EPB41L3: variants seen among roughly 807,000 people sequenced by gnomAD.
EPB41L3 encodes the protein band 4.1-like protein 3.
A neutral mutation model predicts 127.1 loss-of-function variants in EPB41L3; 57 were observed. That is an observed-to-expected ratio of 0.45 (90% confidence interval 0.36 to 0.56). The LOEUF (loss-of-function observed/expected upper bound fraction) is 0.56. Among genes scored for constraint, EPB41L3 ranks in the 20% least tolerant of loss-of-function variants. The probability of loss-of-function intolerance (pLI) is 0.00; values close to 1 mark genes in which losing one functional copy is unlikely to be tolerated. For missense variants in EPB41L3, 1,273 were observed against 1,372.2 expected (o/e 0.93, Z 1.14); for synonymous variants, 572 against 549.5 (o/e 1.04, Z -0.57).
intron 5 of EPB41L3, among the ~76,000 whole-genome samples, chr18:5,439,369 C>T (rs2080334068): frequency 6.6e-6 from 1 of 152,186 alleles, no homozygotes; most frequent in Non-Finnish European, 1.5e-5. Context: ...GAGCCCTTCC[C>T]AAACATTCAG....
intron 3 of EPB41L3, among the ~76,000 whole-genome samples, chr18:5,582,019 T>A (rs909887484): frequency 6.6e-6 from 1 of 152,058 alleles, no homozygotes; most frequent in African/African-American, 2.4e-5. Flanking sequence ...ACAAAAAAGA[T>A]TAAGATGTTG....
intron 3 of EPB41L3, among the ~76,000 whole-genome samples, chr18:5,561,392 A>G (rs1598983041): frequency 6.6e-6 from 1 of 152,192 alleles, no homozygotes; most frequent in Non-Finnish European, 1.5e-5. Context: ...AGGACACAGG[A>G]GACAGCCTGA....
At chr18:5,433,806 G>A (rs1421372381) in intron 7 of EPB41L3, 97 bp downstream of exon 7, 44 of 1,356,610 alleles carry the variant, frequency 3.2e-5, no homozygotes, top group African/African-American at 7.2e-5. Flanking sequence ...ACGTCTCGCC[G>A]TTAATGGACT....
Position 5,396,070 on chromosome 18 carries a change from A to C in EPB41L3, c.2973+131T>G, listed in dbSNP as rs889360838. On this transcript the variant is annotated intron_variant, in intron 19 of 22. Transcript: ENST00000341928. ...AAATGACCATTATTGCATCACTTTT[A>C]ATAGAAATGGTCTGGCTGCTGGATC... The C allele has an allele frequency of 1.4e-5, 16 of 1,136,582 alleles. No individual in the cohort carries two copies. In the African/African-American group the frequency reaches 2.3e-4, roughly 16 times the overall value. The allele number at this position is 1,136,582 out of a possible 1,614,324, so 70.4% of individuals were successfully genotyped here.
intron 3 of EPB41L3, among the ~76,000 whole-genome samples, chr18:5,579,459 T>C (rs921541782): frequency 6.6e-6 from 1 of 152,168 alleles, no homozygotes; most frequent in East Asian, 1.9e-4. Flanking sequence ...TTATTAGTAA[T>C]CTAATTTTGT....
chr18:5,446,063 A>T (rs990288474), intron 3 of EPB41L3, among the ~76,000 whole-genome samples: 4 of 152,154 alleles, frequency 2.6e-5, no homozygotes. Flanking sequence ...TCTTAGGCAG[A>T]CTCTCACTTA....
intron 1 of EPB41L3, chr18:5,521,318 G>A (rs958879589): frequency 6.6e-6 from 1 of 152,212 alleles, no homozygotes; most frequent in Non-Finnish European, 1.5e-5. Context: ...TTGGGTGAAT[G>A]GCGCATGCCT....
chr18:5,536,956 ACTG>A (rs2093593254), intron 1 of EPB41L3, among the ~76,000 whole-genome samples: 1 of 152,250 alleles, frequency 6.6e-6, no homozygotes, highest in Non-Finnish European at 1.5e-5. Context: ...AAATGATGCT[ACTG>A]CTATTTATGA....
In EPB41L3 at chr18:5,489,190, T is replaced by C; in HGVS notation, c.-7A>G. On this transcript the variant is annotated 5_prime_UTR_variant, in exon 2 of 23. Coordinates refer to ENST00000341928, the MANE Select transcript of EPB41L3 (RefSeq NM_012307.5). Reference sequence around the variant, plus strand: ...ATCCAGATTCGGTCGTCATGGTTGATTGTTCTGCAAGCAGAAAAAAGGGAA... The same window carrying C: ...ATCCAGATTCGGTCGTCATGGTTGACTGTTCTGCAAGCAGAAAAAAGGGAA... 1.9e-6 allele frequency: 3 copies of C among 1,590,794 alleles called. No homozygotes were observed. The highest frequency in any genetic ancestry group is 1.4e-5 in the African/African-American group (1 of 72,220).
At chr18:5,461,840 T>C (rs1162265412) in intron 3 of EPB41L3, among the ~76,000 whole-genome samples, 2 of 152,214 alleles carry the variant, frequency 1.3e-5, no homozygotes, top group Non-Finnish European at 2.9e-5. Flanking sequence ...ACTGGAAGTC[T>C]GTGACCCCTT....
At chr18:5,472,256 G>A (rs1308857811) in intron 3 of EPB41L3, among the ~76,000 whole-genome samples, 1 of 152,102 alleles carries the variant, frequency 6.6e-6, no homozygotes, top group Non-Finnish European at 1.5e-5. Context: ...ATGAGACATT[G>A]CATGTTAACA....
At chr18:5,624,128 A>C (rs2094896583) in intron 1 of EPB41L3, among the ~76,000 whole-genome samples, 1 of 152,100 alleles carries the variant, frequency 6.6e-6, no homozygotes, top group South Asian at 2.1e-4. Flanking sequence ...TCAGCCTCTC[A>C]AGAAGCTAGG....
chr18:5,429,789 C>T lies in EPB41L3; in HGVS notation c.913-1324G>A, dbSNP rs867116833. Among the ~76,000 whole-genome samples the T allele has an allele frequency of 2.0e-5, 3 of 152,308 alleles. No homozygotes were observed. In the Middle Eastern group the frequency reaches 0.01, roughly 518 times the overall value. On this transcript the variant is annotated intron_variant, in intron 8 of 22. Coordinates refer to ENST00000341928, the MANE Select transcript of EPB41L3 (RefSeq NM_012307.5). ...TTGAGGAGAACTCAAAGACTGGAAA[C>T]TGCCCACCATTTATCTAGGACTTTA...
Position 5,489,168 on chromosome 18 carries a change from C to G in EPB41L3, c.16G>C (p.Gly6Arg). 3.1e-6 allele frequency: 5 copies of G among 1,595,598 alleles called. No individual in the cohort carries two copies. Among genetic ancestry groups the G allele is most frequent in the Non-Finnish European group, 4.3e-6 (5 of 1,174,704 alleles). The part of the protein sequence containing the change: MTTES[G>R]SDSESKPDQE... ...TCCGGCTTGGATTCCGAGTCTGATC[C>G]AGATTCGGTCGTCATGGTTGATTGT... Residue 6 changes from glycine (G) to arginine (R), a missense_variant, in exon 2 of 23, where the codon GGA (glycine) becomes CGA (arginine). By Grantham distance (125) the Gly-to-Arg change is moderately radical. This residue lies in a region of EPB41L3 where 182 missense variants were observed against 149.2 expected (regional missense o/e 1.22). Transcript: ENST00000341928.
chr18:5,504,215 T>C (rs747446961), intron 1 of EPB41L3, among the ~76,000 whole-genome samples: 37 of 152,162 alleles, frequency 2.4e-4, no homozygotes, highest in Admixed American at 1.9e-3. Flanking sequence ...CCCAGGACTT[T>C]CAGTTCAACT....
intron 3 of EPB41L3, among the ~76,000 whole-genome samples, chr18:5,470,395 G>A (rs888886217): frequency 6.6e-6 from 1 of 152,122 alleles, no homozygotes; most frequent in African/African-American, 2.4e-5. Flanking sequence ...CAGCTCTTTG[G>A]TATCTTTTGT....
At chr18:5,424,464 T>G (rs181975022) in intron 9 of EPB41L3, 105 bp from the exon 10 acceptor site, 97 of 827,508 alleles carry the variant, frequency 1.2e-4, no homozygotes, top group Non-Finnish European at 1.9e-6. Context: ...TTTAAAAATT[T>G]ACTTACTAGA....
At chr18:5,444,983 G>C (rs2081280405) in intron 4 of EPB41L3, among the ~76,000 whole-genome samples, 157 bp downstream of exon 4, 1 of 152,122 alleles carries the variant, frequency 6.6e-6, no homozygotes, top group Admixed American at 6.5e-5. Flanking sequence ...CCTTCATCAA[G>C]GAATAGATGA....
At chr18:5,427,114 C>T (rs1482903541) in intron 9 of EPB41L3, among the ~76,000 whole-genome samples, 2 of 152,062 alleles carry the variant, frequency 1.3e-5, no homozygotes, top group East Asian at 3.9e-4. Context: ...GTGATTCTCC[C>T]ACCCTTGGCC....
Sources: gnomAD v4.1 joint callset for allele counts (sites outside exome capture counted in the v4.1 genomes callset) on GRCh38, gnomAD v4.1.1 for gene constraint, gnomAD v4.1.1 regional missense constraint, MANE v1.5 for transcripts, NCBI Gene and HGNC (gene_info 2026-07-23, HGNC 2026-07-21) for gene names.